The following SYTL2 variants were observed in gnomAD, a reference collection of about 807,000 sequenced individuals.
SYTL2 encodes synaptotagmin-like protein 2.
A neutral mutation model predicts 198.7 loss-of-function variants in SYTL2; 165 were observed. The observed-to-expected ratio is 0.83, with a 90% CI of 0.73 to 0.94. The LOEUF is 0.94. SYTL2 is among the 40% of genes least tolerant of loss of function. SYTL2 has a pLI of 0.00. For synonymous variants in SYTL2, 966 were observed against 917.7 expected (o/e 1.05, Z -0.95); for missense variants, 2,835 against 2,582.8 (o/e 1.10, Z -2.12).
intron 1 of SYTL2, among the ~76,000 whole-genome samples, chr11:85,786,126 G>A (rs189336504): frequency 2.0e-4 from 31 of 152,278 alleles, no homozygotes; most frequent in Non-Finnish European, 3.8e-4. Flanking sequence ...AGGGAATTGT[G>A]CTAAATATAA....
chr11:85,833,044 A>C, the SYTL2 span, among the ~76,000 whole-genome samples: 3 of 26,456 alleles, frequency 1.1e-4, no homozygotes, highest in Non-Finnish European at 2.2e-4. Context: ...AGAAAGAAAG[A>C]AAGAAAGAAA....
chr11:85,771,367 T>G (rs1476210501), intron 1 of SYTL2, among the ~76,000 whole-genome samples: 2 of 152,228 alleles, frequency 1.3e-5, no homozygotes, highest in African/African-American at 4.8e-5. Context: ...CGTAAATGAA[T>G]GTAAACAACT....
chr11:85,749,144 A>G (rs1217816740), intron 2 of SYTL2, among the ~76,000 whole-genome samples: 1 of 152,304 alleles, frequency 6.6e-6, no homozygotes, highest in East Asian at 1.9e-4. Flanking sequence ...AAAAGCTAAA[A>G]CCTAAAGAAC....
chr11:85,814,930 T>G (rs1405178876), upstream of SYTL2, among the ~76,000 whole-genome samples: 2 of 152,138 alleles, frequency 1.3e-5, no homozygotes, highest in East Asian at 3.9e-4. Context: ...CATGGTGTAT[T>G]CCTCAAGCAT....
intron 4 of SYTL2, among the ~76,000 whole-genome samples, chr11:85,739,227 G>A (rs1475875654): frequency 6.8e-6 from 1 of 147,214 alleles, no homozygotes; most frequent in Non-Finnish European, 1.5e-5. Flanking sequence ...AGGAGAAGCA[G>A]CAACAGATAG....
Position 85,724,319 on chromosome 11 carries a change from GT to G in SYTL2, c.5038del (p.Thr1680ProfsTer43). On this transcript the variant is annotated frameshift_variant, in exon 8 of 20. Coordinates refer to ENST00000359152, the MANE Select transcript of SYTL2 (RefSeq NM_206927.4). LOFTEE classifies it high-confidence loss of function. ...AHEIGTIKTV[T>X]PPEDRDSESG... ...TTCACTGTCCCTGTCCTCTGGGGGG[GT>G]TACAGTTTTAATGGTCCCTATTTCA... The G allele has an allele frequency of 6.3e-7, 1 of 1,579,336 alleles. No individual in the cohort carries two copies. The highest frequency in any genetic ancestry group is 1.4e-5 in the African/African-American group (1 of 73,516).
At chr11:85,720,532 T>C (rs575438510) in intron 9 of SYTL2, among the ~76,000 whole-genome samples, 5 of 152,348 alleles carry the variant, frequency 3.3e-5, no homozygotes, top group Admixed American at 1.3e-4. Context: ...ATTCAATAAA[T>C]GCTAGTTATG....
chr11:85,801,957 GGCACCCA>G (rs2092895077), intron 1 of SYTL2, among the ~76,000 whole-genome samples: 1 of 151,592 alleles, frequency 6.6e-6, no homozygotes, highest in Non-Finnish European at 1.5e-5. Flanking sequence ...TGGGATTACA[GGCACCCA>G]CCACCATGCC....
the SYTL2 span, among the ~76,000 whole-genome samples, chr11:85,822,854 A>T: frequency 6.6e-6 from 1 of 152,260 alleles, no homozygotes; most frequent in Non-Finnish European, 1.5e-5. Context: ...GAACAAGTGC[A>T]TGCAAAAGGG....
At chr11:85,720,368 T>G (rs2088108894) in intron 9 of SYTL2, among the ~76,000 whole-genome samples, 1 of 152,212 alleles carries the variant, frequency 6.6e-6, no homozygotes, top group African/African-American at 2.4e-5. Context: ...TCCCAGATCT[T>G]CCGTGTAATA....
intron 1 of SYTL2, among the ~76,000 whole-genome samples, chr11:85,782,292 A>G (rs683903): frequency 0.77 from 116,536 of 152,114 alleles, 44,985 homozygotes; most frequent in African/African-American, 0.84. Flanking sequence ...TGGCTGGAGT[A>G]GCTGGGATGG....
chr11:85,846,432 CGTTTT>C, the SYTL2 span, among the ~76,000 whole-genome samples: 1,867 of 152,040 alleles, frequency 0.012, 16 homozygotes, highest in Middle Eastern at 0.031. Flanking sequence ...TGTTTCATTT[CGTTTT>C]GTTTTTTTGA....
chr11:85,725,709 G>T lies in SYTL2; in HGVS notation c.3649C>A (p.Leu1217Met). 6.2e-7 allele frequency: 1 copy of T among 1,614,014 alleles called. No individual in the cohort carries two copies. The highest frequency in any genetic ancestry group is 1.1e-5 in the South Asian group (1 of 91,052). The change falls in exon 8 of 20, where the codon CTG (leucine) becomes ATG (methionine). Residue 1217 changes from leucine (L) to methionine (M), a missense_variant. This residue lies in a region of SYTL2 where 2,645 missense variants were observed against 2,381.7 expected (regional missense o/e 1.11). Coordinates refer to ENST00000359152, the MANE Select transcript of SYTL2 (RefSeq NM_206927.4). ...GGTGAAGTTCCAGTTGCTTCCTTCAGGAGTTTGTCTAGACTAGCAGTCAAA... is the reference window on the plus strand; with the variant it reads ...GGTGAAGTTCCAGTTGCTTCCTTCATGAGTTTGTCTAGACTAGCAGTCAAA... ...NSLTASLDKLLKEATGTSPSP... is the reference protein window; with the variant it reads ...NSLTASLDKLMKEATGTSPSP...
At chr11:85,748,452 T>G (rs1335810525) in intron 2 of SYTL2, 29 bp from the exon 3 acceptor site, 1 of 1,611,656 alleles carries the variant, frequency 6.2e-7, no homozygotes, top group East Asian at 2.2e-5. Flanking sequence ...TTTAGTTTGC[T>G]GAGAACCCAC....
intron 1 of SYTL2, among the ~76,000 whole-genome samples, chr11:85,804,049 T>G (rs967615854): frequency 6.6e-6 from 1 of 152,252 alleles, no homozygotes; most frequent in Non-Finnish European, 1.5e-5. Flanking sequence ...TGTATTCAAC[T>G]TCCTAAACAC....
intron 12 of SYTL2, among the ~76,000 whole-genome samples, chr11:85,712,000 A>G (rs2086386658): frequency 1.3e-5 from 2 of 152,202 alleles, no homozygotes; most frequent in African/African-American, 2.4e-5. Context: ...ATTTGAATCT[A>G]AAGTTTATTA....
rs540077413 is a variant in SYTL2, at chr11:85,708,433, T to C, written c.5915+898A>G. On this transcript the variant is annotated intron_variant, in intron 14 of 19. Coordinates refer to ENST00000359152, the MANE Select transcript of SYTL2 (RefSeq NM_206927.4). ...AAAATAATTAAGAATCAGACTTCTG[T>C]ATAGGGATAAGTAGGGAATACCATT... is the stretch of plus-strand genomic sequence containing the variant. 4.9e-4 allele frequency among the ~76,000 whole-genome samples: 74 copies of C among 152,176 alleles called. 2 individuals carry two copies. The highest frequency in any genetic ancestry group is 1.6e-3 in the African/African-American group (67 of 41,514).
chr11:85,726,990 T>C lies in SYTL2; in HGVS notation c.2368A>G (p.Lys790Glu). The change falls in exon 8 of 20, where the codon AAA (lysine) becomes GAA (glutamate). Residue 790 changes from lysine (K) to glutamate (E), a missense_variant. Around this residue, in one of 3 missense-constraint regions of SYTL2, gnomAD observed 2,645 missense variants for 2,381.7 expected, o/e 1.11. Coordinates refer to ENST00000359152, the MANE Select transcript of SYTL2 (RefSeq NM_206927.4). ...AAGGATATTCTGTCACTCACTCTTT[T>C]GTATTTCTCTCTCTGCACTTGGTTC... ...PKNQVQREKY[K>E]RVSDRISFWE... is the part of the protein sequence containing the mutation. 6.5e-7 allele frequency: 1 copy of C among 1,536,652 alleles called. No individual in the cohort carries two copies. Among genetic ancestry groups the C allele is most frequent in the South Asian group, 1.2e-5 (1 of 84,060 alleles).
At chr11:85,783,366 C>G (rs947071365) in intron 1 of SYTL2, among the ~76,000 whole-genome samples, 1 of 152,110 alleles carries the variant, frequency 6.6e-6, no homozygotes, top group Non-Finnish European at 1.5e-5. Flanking sequence ...AATTACCTCC[C>G]ATCAAGTCCC....
Sources: gnomAD v4.1 joint callset for allele counts (sites outside exome capture counted in the v4.1 genomes callset) on GRCh38, gnomAD v4.1.1 for gene constraint, gnomAD v4.1.1 regional missense constraint, MANE v1.5 for transcripts, NCBI Gene and HGNC (gene_info 2026-07-23, HGNC 2026-07-21) for gene names.